BCOR: variants seen among roughly 807,000 people sequenced by gnomAD.
BCOR encodes BCL-6 corepressor.
A neutral mutation model predicts 86.7 loss-of-function variants in BCOR; 10 were observed. That is an observed-to-expected ratio of 0.12 (90% confidence interval 0.07 to 0.20). The LOEUF is 0.20. BCOR is among the 10% of genes least tolerant of loss of function. The pLI is 1.00. For missense variants in BCOR, 1,259 were observed against 1,452.1 expected (o/e 0.87, Z 2.16); for synonymous variants, 611 against 609.0 (o/e 1.00, Z -0.05).
Position 40,052,002 on chromosome X carries a change from T to C in BCOR, c.*107A>G. Reference sequence around the variant, plus strand: ...TAATTTCTCTTATATAAAGAAGAGATATTTTCATATGTAATAGTGTCCTTT... The same window carrying C: ...TAATTTCTCTTATATAAAGAAGAGACATTTTCATATGTAATAGTGTCCTTT... On this transcript the variant is annotated 3_prime_UTR_variant, in exon 15 of 15. Coordinates refer to ENST00000378444, the MANE Select transcript of BCOR (RefSeq NM_001123385.2). 1 of 712,203 alleles carries C rather than the reference T, an allele frequency of 1.4e-6. No individual in the cohort carries two copies. Among genetic ancestry groups the C allele is most frequent in the East Asian group, 3.7e-5 (1 of 27,171 alleles). 58.7% of individuals were successfully genotyped at this position (712,203 alleles called of 1,213,427 possible). A position where few individuals can be genotyped will look rare whatever the true frequency, so the allele number is the denominator to read the frequency against.
At chrX:40,159,831 G>A (rs1331111217) in intron 1 of BCOR, among the ~76,000 whole-genome samples, 1 of 111,745 alleles carries the variant, frequency 8.9e-6, no homozygotes, top group Non-Finnish European at 1.9e-5. Context: ...ACAGAGGTTG[G>A]AAAGTATGGG....
intron 1 of BCOR, among the ~76,000 whole-genome samples, chrX:40,086,659 G>A (rs1220355280): frequency 8.8e-6 from 1 of 113,922 alleles, no homozygotes; most frequent in Non-Finnish European, 1.9e-5. Context: ...CATAGTGCGC[G>A]CTTTGTGTAA....
intron 1 of BCOR, among the ~76,000 whole-genome samples, chrX:40,137,474 G>A (rs755197948): frequency 1.6e-4 from 18 of 110,335 alleles, no homozygotes; most frequent in Non-Finnish European, 3.4e-4. Flanking sequence ...CTTGAACCCA[G>A]GAGGCGGAGG....
chrX:40,109,247 G>A (rs1937253762), intron 1 of BCOR, among the ~76,000 whole-genome samples: 1 of 112,311 alleles, frequency 8.9e-6, no homozygotes, highest in Non-Finnish European at 1.9e-5. Flanking sequence ...CGGGCTCCCC[G>A]GTCCTCGGCG....
intron 1 of BCOR, among the ~76,000 whole-genome samples, chrX:40,078,212 G>GT (rs927855663): frequency 1.8e-5 from 2 of 112,484 alleles, no homozygotes; most frequent in Admixed American, 9.4e-5. Context: ...TTCGAAACAG[G>GT]TAGCCTCATC....
chrX:40,127,861 AAAAT>A (rs56092715), intron 1 of BCOR, among the ~76,000 whole-genome samples: 11,172 of 85,810 alleles, frequency 0.13, 721 homozygotes, highest in African/African-American at 0.19. Context: ...ACCTTGTCTC[AAAAT>A]AAATAAATAA....
intron 1 of BCOR, among the ~76,000 whole-genome samples, chrX:40,095,755 C>G (rs1324722316): frequency 9.6e-6 from 1 of 104,155 alleles, no homozygotes; most frequent in Admixed American, 1.0e-4. Context: ...CCCCCACCCT[C>G]CAGACGCCGG....
At chrX:40,089,764 A>C (rs1222033099) in intron 1 of BCOR, among the ~76,000 whole-genome samples, 1 of 111,685 alleles carries the variant, frequency 9.0e-6, no homozygotes, top group Non-Finnish European at 1.9e-5. Context: ...TCGCCACATA[A>C]AGCAATAAAT....
intron 1 of BCOR, among the ~76,000 whole-genome samples, chrX:40,158,245 C>T (rs778165506): frequency 1.8e-5 from 2 of 112,636 alleles, no homozygotes; most frequent in East Asian, 5.7e-4. Context: ...GGAGGAGCGG[C>T]TTCGCGCCCT....
intron 1 of BCOR, among the ~76,000 whole-genome samples, chrX:40,094,533 G>A (rs1201125696): frequency 8.8e-6 from 1 of 113,145 alleles, no homozygotes; most frequent in Non-Finnish European, 1.9e-5. Context: ...TCCGCGCGCT[G>A]GGCAGTCCTA....
At chrX:40,081,574 G>C (rs988781151) in intron 1 of BCOR, among the ~76,000 whole-genome samples, 1 of 111,927 alleles carries the variant, frequency 8.9e-6, no homozygotes, top group Admixed American at 9.4e-5. Flanking sequence ...GATGAAGCTC[G>C]TTTGCTTTTA....
intron 1 of BCOR, among the ~76,000 whole-genome samples, chrX:40,175,445 G>C (rs1169479961): frequency 8.8e-6 from 1 of 113,352 alleles, no homozygotes; most frequent in African/African-American, 3.2e-5. Context: ...GCGAGAGGGG[G>C]AGAAAAAATA....
chrX:40,098,971 C>G (rs1014243971), upstream of BCOR, among the ~76,000 whole-genome samples: 1 of 112,649 alleles, frequency 8.9e-6, no homozygotes, highest in Non-Finnish European at 1.9e-5. Context: ...ACGGTCTGTA[C>G]CTCTGATGGT....
chrX:40,070,074 G>A (rs930802185), intron 6 of BCOR, among the ~76,000 whole-genome samples: 7 of 111,174 alleles, frequency 6.3e-5, no homozygotes, highest in Admixed American at 9.5e-5. Context: ...AGGCACCGAT[G>A]AACTGTGTTG....
At chrX:40,125,347 C>T (rs1937526541) in intron 1 of BCOR, among the ~76,000 whole-genome samples, 1 of 111,808 alleles carries the variant, frequency 8.9e-6, no homozygotes, top group East Asian at 2.8e-4. Flanking sequence ...GATTCTCCCG[C>T]CTCAGCCTCC....
intron 1 of BCOR, among the ~76,000 whole-genome samples, chrX:40,171,035 A>G (rs1938609548): frequency 8.9e-6 from 1 of 111,843 alleles, no homozygotes; most frequent in Non-Finnish European, 1.9e-5. Flanking sequence ...TTTACACATG[A>G]AGAGACTGGC....
intron 10 of BCOR, among the ~76,000 whole-genome samples, 178 bp downstream of exon 10, chrX:40,061,961 A>G (rs1296852540): frequency 9.0e-6 from 1 of 110,792 alleles, no homozygotes; most frequent in Non-Finnish European, 1.9e-5. Flanking sequence ...CGATTGAACA[A>G]GCCACCAAAG....
At position 40,105,421 on chromosome X, in the gene BCOR, G is replaced by C. The variant is rs927804517; in HGVS notation, c.-40-27452C>G. 5.3e-5 allele frequency among the ~76,000 whole-genome samples: 6 copies of C among 112,360 alleles called. No homozygotes were observed. The Admixed American group carries it at 5.5e-4, about 10-fold the overall frequency. On this transcript the variant is annotated intron_variant, in intron 1 of 14. Transcript: ENST00000342274. ...CTGGCCCCAGGGCTGTTCCAGACGA[G>C]GGCTGGCCGCGCGTCACCCCTGATC...
In BCOR at chrX:40,089,336, C is replaced by A. The variant is rs1007623113; in HGVS notation, c.-41+7879G>T. Among the ~76,000 whole-genome samples the A allele has an allele frequency of 5.4e-5, 6 of 111,971 alleles. No individual in the cohort carries two copies. The Admixed American group carries it at 5.7e-4, about 11-fold the overall frequency. On this transcript the variant is annotated intron_variant, in intron 1 of 14. Transcript: ENST00000378444. The stretch of plus-strand genomic sequence containing the variant: ...CAGCTAGTAAAAAATGGGCCACGGT[C>A]AAACTCAGTCCTGGAGTTGCGGAGA...
Sources: allele counts gnomAD v4.1 joint callset (sites outside exome capture counted in the v4.1 genomes callset), GRCh38; gene constraint gnomAD v4.1.1; transcripts MANE v1.5; gene names NCBI Gene and HGNC (gene_info 2026-07-23, HGNC 2026-07-21).